Variants in GCDH observed in about 807,000 individuals in gnomAD.
GCDH encodes glutaryl-CoA dehydrogenase.
In GCDH, 31 loss-of-function variants were observed where a neutral mutation model predicts 52.8. The ratio of observed to expected loss-of-function variants is 0.59; its 90% CI spans 0.44 to 0.79. The LOEUF (loss-of-function observed/expected upper bound fraction) is 0.79. Ranked by LOEUF, GCDH falls within the 30% of genes least tolerant of loss-of-function variation. The pLI is 0.00. For missense variants in GCDH, 509 were observed against 595.0 expected (o/e 0.86, Z 1.50); for synonymous variants, 242 against 250.0 (o/e 0.97, Z 0.30).
intron 6 of GCDH, chr19:12,894,347 G>T: frequency 1.3e-6 from 1 of 767,724 alleles, no homozygotes; most frequent in South Asian, 1.4e-5. Context: ...ACCCATGGCC[G>T]TGTCCACTTG....
intron 10 of GCDH, 114 bp downstream of exon 10, chr19:12,897,542 G>T: frequency 6.9e-7 from 1 of 1,449,080 alleles, no homozygotes; most frequent in African/African-American, 1.4e-5. Context: ...TGAACCTTCT[G>T]CTGTCCCTCT....
intron 5 of GCDH, among the ~76,000 whole-genome samples, chr19:12,893,221 G>A (rs995841107): frequency 1.3e-5 from 2 of 152,072 alleles, no homozygotes; most frequent in African/African-American, 4.8e-5. Flanking sequence ...GGGTCTCACT[G>A]TGTTGCCCAG....
Position 12,893,476 on chromosome 19 carries a change from C to A in GCDH, c.335-7C>A, listed in dbSNP as rs1276560235. 6.2e-7 allele frequency: 1 copy of A among 1,612,952 alleles called. No individual in the cohort carries two copies. The highest frequency in any genetic ancestry group is 8.5e-7 in the Non-Finnish European group (1 of 1,178,994). ...ATTGTCCTGCTTTCCCCTCCTACTA[C>A]CACCAGGATATGGCTGTGCTGGGGT... On this transcript the variant is annotated splice_polypyrimidine_tract_variant and splice_region_variant and intron_variant, in intron 5 of 11. Coordinates refer to ENST00000222214, the MANE Select transcript of GCDH (RefSeq NM_000159.4).
At chr19:12,897,578 C>T in intron 10 of GCDH, 125 bp from the exon 11 acceptor site, 1 of 1,434,094 alleles carries the variant, frequency 7.0e-7, no homozygotes, top group Non-Finnish European at 9.8e-7. Context: ...GGGCTGAGGA[C>T]AGCCCCACTG....
rs376747683 is a variant in GCDH, at chr19:12,891,382, G to C, written c.78G>C (p.Ser26=). Residue 26 remains serine, a synonymous_variant, in exon 2 of 12, where the codon TCG becomes TCC. Coordinates refer to ENST00000222214, the MANE Select transcript of GCDH (RefSeq NM_000159.4). ...GLHVLRTWVS[S]AAQTEKGGRT... Reference sequence around the variant, plus strand: ...ACGTCCTTCGCACGTGGGTCTCGTCGGCGGCGCAGACCGGTCAGTGTGGGG... The same window carrying C: ...ACGTCCTTCGCACGTGGGTCTCGTCCGCGGCGCAGACCGGTCAGTGTGGGG... 1.2e-6 allele frequency: 2 copies of C among 1,614,102 alleles called. No individual in the cohort carries two copies. The highest frequency in any genetic ancestry group is 1.1e-5 in the South Asian group (1 of 91,086).
rs886054241 is a variant in GCDH, at chr19:12,891,211, G to A, written c.-35+9G>A. 1 of 946,848 alleles carries A rather than the reference G, an allele frequency of 1.1e-6. No homozygotes were observed. The highest frequency in any genetic ancestry group is 2.5e-5 in the East Asian group (1 of 39,238). The allele number at this position is 946,848 out of a possible 1,614,324, so 58.7% of individuals were successfully genotyped here. A position where few individuals can be genotyped will look rare whatever the true frequency, so the allele number is the denominator to read the frequency against. ...CCGGGAGGTACTACCAGGTAAGGAA[G>A]GTGCGGTAGCCCCAGCCGTGGGTGA... On this transcript the variant is annotated intron_variant, in intron 1 of 11. Transcript: ENST00000222214.
At chr19:12,894,473 TAAAA>T (rs35075245) in intron 6 of GCDH, 1 of 718,674 alleles carries the variant, frequency 1.4e-6, no homozygotes. Context: ...TTGGTTATTG[TAAAA>T]AAAAGGAGAG....
In GCDH at chr19:12,891,195, A is replaced by C; in HGVS notation, c.-42A>C. On this transcript the variant is annotated 5_prime_UTR_variant, in exon 1 of 12. Transcript: ENST00000222214. ...TAGCCTCGGCAGTGAACCGGGAGGT[A>C]CTACCAGGTAAGGAAGGTGCGGTAG... 5.0e-6 allele frequency: 4 copies of C among 797,582 alleles called. No homozygotes were observed. The highest frequency in any genetic ancestry group is 8.5e-6 in the Non-Finnish European group (4 of 472,048). 49.4% of individuals were successfully genotyped at this position (797,582 alleles called of 1,614,324 possible). A position where few individuals can be genotyped will look rare whatever the true frequency, so the allele number is the denominator to read the frequency against.
chr19:12,898,948 T>A (rs115681337), intron 11 of GCDH: 5,487 of 261,356 alleles, frequency 0.021, 301 homozygotes, highest in African/African-American at 0.11. Context: ...TGGGCAGAGG[T>A]CAGCTGAGGC....
intron 6 of GCDH, 24 bp from the exon 7 acceptor site, chr19:12,895,968 T>C (rs767445849): frequency 6.2e-7 from 1 of 1,613,660 alleles, no homozygotes; most frequent in Non-Finnish European, 8.5e-7. Flanking sequence ...CAGGCAGCCT[T>C]GTGACTTTGT....
chr19:12,891,328 G>A lies in GCDH; in HGVS notation c.24G>A (p.Val8=), dbSNP rs1175512364. MALRGVS[V]RLLSRGPGLH... ...GCATGGCCCTGAGAGGCGTCTCCGT[G>A]CGGCTGCTGAGCCGCGGACCCGGCC... The change falls in exon 2 of 12, where the codon GTG becomes GTA. Residue 8 remains valine, a synonymous_variant. Transcript: ENST00000222214. The A allele has an allele frequency of 1.2e-6, 2 of 1,610,690 alleles. No individual in the cohort carries two copies. Among genetic ancestry groups the A allele is most frequent in the African/African-American group, 2.7e-5 (2 of 74,926 alleles).
At chr19:12,893,907 C>G in intron 6 of GCDH, 1 of 599,258 alleles carries the variant, frequency 1.7e-6, no homozygotes, top group Non-Finnish European at 3.0e-6. Context: ...TAAAGTCCAC[C>G]AGGTTCCTGC....
intron 6 of GCDH, chr19:12,894,522 CT>C: frequency 1.5e-6 from 1 of 685,694 alleles, no homozygotes; most frequent in African/African-American, 1.8e-5. Flanking sequence ...ACTATGATGC[CT>C]CGTCACCTGG....
rs1393159181 is a variant in GCDH, at chr19:12,891,534, TG to T, written c.127+14del. 1 of 1,614,220 alleles carries T rather than the reference TG, an allele frequency of 6.2e-7. No individual in the cohort carries two copies. The highest frequency in any genetic ancestry group is 1.7e-5 in the Admixed American group (1 of 60,024). ...CCAACTGGCTAAGTGTAAGGACCTC[TG>T]GTCGCACCGTGTGTCTGCTGCCCCT... On this transcript the variant is annotated intron_variant, in intron 3 of 11. Coordinates refer to ENST00000222214, the MANE Select transcript of GCDH (RefSeq NM_000159.4).
chr19:12,891,711 G>A lies in GCDH; in HGVS notation c.128-120G>A, dbSNP rs933702964. 4.4e-6 allele frequency: 7 copies of A among 1,605,438 alleles called. 1 individual carries two copies. In the African/African-American group the frequency reaches 9.4e-5, roughly 21 times the overall value. On this transcript the variant is annotated intron_variant, in intron 3 of 11. Transcript: ENST00000222214. ...GGAGAAAAGTCACCTGATCAGTCTC[G>A]CTTGCAGCTCGCACTAGCCGGGGGG...
At chr19:12,898,042 G>C in intron 11 of GCDH, 179 bp downstream of exon 11, 1 of 642,662 alleles carries the variant, frequency 1.6e-6, no homozygotes, top group Non-Finnish European at 2.8e-6. Context: ...GACTGTGGAA[G>C]TGAAGTGCTT....
rs2238641 is a variant in GCDH at position 12,895,871 on chromosome 19, T to C, written c.506-121T>C. The C allele has an allele frequency of 0.36, 435,589 of 1,204,560 alleles. 82,795 individuals carry two copies. Among genetic ancestry groups the C allele is most frequent in the Admixed American group, 0.44 (25,904 of 58,406 alleles). 74.6% of individuals were successfully genotyped at this position (1,204,560 alleles called of 1,614,324 possible). ...CTGACCTCAATTGATCCACCTGCCT[T>C]GGCCTCCTAAAGTGCTGGGATGACA... On this transcript the variant is annotated intron_variant, in intron 6 of 11. Transcript: ENST00000222214.
At chr19:12,899,251 A>C in intron 11 of GCDH, 1 of 1,228,466 alleles carries the variant, frequency 8.1e-7, no homozygotes, top group Non-Finnish European at 1.2e-6. Flanking sequence ...TTATAGAACC[A>C]TGAAAAACAA....
Position 12,899,770 on chromosome 19 carries a change from G to T in GCDH, c.*229G>T. Reference sequence around the variant, plus strand: ...GCGTCTCAATCCACTTTTAACCATGGATGAGAGCAGACTCCATTTACCCTG... The same window carrying T: ...GCGTCTCAATCCACTTTTAACCATGTATGAGAGCAGACTCCATTTACCCTG... On this transcript the variant is annotated 3_prime_UTR_variant, in exon 12 of 12. Transcript: ENST00000222214. The T allele has an allele frequency of 6.2e-7, 1 of 1,605,778 alleles. No homozygotes were observed.
Sources: allele counts gnomAD v4.1 joint callset (sites outside exome capture counted in the v4.1 genomes callset), GRCh38; gene constraint gnomAD v4.1.1; transcripts MANE v1.5; gene names NCBI Gene and HGNC (gene_info 2026-07-23, HGNC 2026-07-21).